Variants in FOLR1 observed in about 807,000 individuals in gnomAD.
FOLR1 encodes KB cells FBP.
In FOLR1, 11 loss-of-function variants were observed where a neutral mutation model predicts 22.8. The ratio of observed to expected loss-of-function variants is 0.48; its 90% CI spans 0.30 to 0.80. The LOEUF (loss-of-function observed/expected upper bound fraction) is 0.80, where lower values mean the gene tolerates loss of function less well. Among genes scored for constraint, FOLR1 ranks in the 30% least tolerant of loss-of-function variants. The pLI, the probability that FOLR1 is intolerant of heterozygous loss-of-function variation, is 0.06. For missense variants in FOLR1, 273 were observed against 320.3 expected, an observed-to-expected ratio of 0.85 and a Z score of 1.13; for synonymous variants, 108 against 116.5, an observed-to-expected ratio of 0.93 and a Z score of 0.47.
Position 72,192,281 on chromosome 11 carries a change from C to G in FOLR1, c.108C>G (p.Val36=). The G allele has an allele frequency of 1.2e-6, 2 of 1,614,128 alleles. No homozygotes were observed. Among genetic ancestry groups the G allele is most frequent in the Non-Finnish European group, 1.7e-6 (2 of 1,180,038 alleles). Residue 36 remains valine (V), a synonymous_variant, in exon 1 of 4, where the codon GTC becomes GTG. Coordinates refer to ENST00000393676, the MANE Select transcript of FOLR1 (RefSeq NM_016729.3). ...IAWARTELLN[V]CMNAKHHKEK... ...GGGCCAGGACTGAGCTTCTCAATGTCTGCATGAACGCCAAGCACCACAAGG... is the reference window on the plus strand; with the variant it reads ...GGGCCAGGACTGAGCTTCTCAATGTGTGCATGAACGCCAAGCACCACAAGG...
upstream of FOLR1, chr11:72,190,238 C>G (rs999943984): frequency 6.6e-6 from 1 of 152,352 alleles, no homozygotes; most frequent in Non-Finnish European, 1.5e-5. Flanking sequence ...CAGCCCCCAT[C>G]CCCAGCACTG....
At position 72,192,286 on chromosome 11, in the gene FOLR1, T is replaced by C. The variant is rs750562595; in HGVS notation, c.113T>C (p.Met38Thr). The change falls in exon 1 of 4, where the codon ATG (methionine) becomes ACG (threonine). Residue 38 changes from methionine to threonine, a missense_variant. Met to Thr is a moderately conservative substitution (Grantham distance 81). Coordinates refer to ENST00000393676, the MANE Select transcript of FOLR1 (RefSeq NM_016729.3). ...AGGACTGAGCTTCTCAATGTCTGCA[T>C]GAACGCCAAGCACCACAAGGAAAAG... ...WARTELLNVC[M>T]NAKHHKEKPG... is the part of the protein sequence containing the mutation. The C allele has an allele frequency of 1.2e-6, 2 of 1,614,118 alleles. No individual in the cohort carries two copies. Among genetic ancestry groups the C allele is most frequent in the Admixed American group, 1.7e-5 (1 of 60,008 alleles).
Position 72,196,165 on chromosome 11 carries a change from G to C in FOLR1, c.762G>C (p.Trp254Cys). 6.2e-7 allele frequency: 1 copy of C among 1,614,146 alleles called. No individual in the cohort carries two copies. Among genetic ancestry groups the C allele is most frequent in the Non-Finnish European group, 8.5e-7 (1 of 1,180,030 alleles). ...TTAGCCTGGCCCTAATGCTGCTGTG[G>C]CTGCTCAGCTGACCTCCTTTTACCT... ...FLLSLALMLL[W>C]LLS The change falls in exon 4 of 4, where the codon TGG (tryptophan) becomes TGC (cysteine). Residue 254 changes from tryptophan (W) to cysteine (C), a missense_variant. Physicochemically the swap from Trp to Cys is radical, Grantham distance 215. Transcript: ENST00000393676.
intron 1 of FOLR1, among the ~76,000 whole-genome samples, chr11:72,194,408 T>C (rs887710156): frequency 6.6e-6 from 1 of 152,068 alleles, no homozygotes; most frequent in African/African-American, 2.4e-5. Context: ...TTTTTGTTTG[T>C]TTATTTTTTG....
chr11:72,192,367 G>T lies in FOLR1; in HGVS notation c.168+26G>T, dbSNP rs1259668683. ...GTGGGCCAGGGGGTGATCTGGGGTG[G>T]TGAGGGACTGGCTCAGGAAGAGGAA... On this transcript the variant is annotated intron_variant, in intron 1 of 3. Coordinates refer to ENST00000393676, the MANE Select transcript of FOLR1 (RefSeq NM_016729.3). 1.9e-6 allele frequency: 3 copies of T among 1,613,088 alleles called. No individual in the cohort carries two copies. In the African/African-American group the frequency reaches 4.0e-5, roughly 22 times the overall value.
chr11:72,191,970 G>A (rs1948161947), upstream of FOLR1: 1 of 591,292 alleles, frequency 1.7e-6, no homozygotes, highest in African/African-American at 1.9e-5. Context: ...ACCTGGAGAA[G>A]GCAATGAGGC....
rs762574089 is a variant in FOLR1, at chr11:72,195,949, C to A, written c.546C>A (p.Phe182Leu). 1 of 1,614,238 alleles carries A rather than the reference C, an allele frequency of 6.2e-7. No homozygotes were observed. The highest frequency in any genetic ancestry group is 8.5e-7 in the Non-Finnish European group (1 of 1,180,046). ...CCTGCCAACCTTTCCATTTCTACTT[C>A]CCCACACCCACTGTTCTGTGCAATG... The part of the protein sequence containing the change: ...GAACQPFHFY[F>L]PTPTVLCNEI... Residue 182 changes from phenylalanine to leucine, a missense_variant, in exon 4 of 4, where the codon TTC (phenylalanine) becomes TTA (leucine). Transcript: ENST00000393676.
Position 72,192,276 on chromosome 11 carries a change from A to G in FOLR1, c.103A>G (p.Asn35Asp), listed in dbSNP as rs149216939. Reference sequence around the variant, plus strand: ...TGCATGGGCCAGGACTGAGCTTCTCAATGTCTGCATGAACGCCAAGCACCA... The same window carrying G: ...TGCATGGGCCAGGACTGAGCTTCTCGATGTCTGCATGAACGCCAAGCACCA... Reference protein sequence around the residue: ...RIAWARTELLNVCMNAKHHKE... With the variant: ...RIAWARTELLDVCMNAKHHKE... Residue 35 changes from asparagine (N) to aspartate (D), a missense_variant, in exon 1 of 4, where the codon AAT becomes GAT. Coordinates refer to ENST00000393676, the MANE Select transcript of FOLR1 (RefSeq NM_016729.3). The G allele has an allele frequency of 5.0e-5, 80 of 1,614,126 alleles. 1 individual carries two copies. In the African/African-American group the frequency reaches 8.8e-4, roughly 18 times the overall value.
At chr11:72,191,228 T>A (rs1384819829), upstream of FOLR1, among the ~76,000 whole-genome samples, 2 of 152,060 alleles carry the variant, frequency 1.3e-5, no homozygotes, top group East Asian at 3.9e-4. Flanking sequence ...CCCACCAAGA[T>A]CCCATGGTTT....
chr11:72,195,177 T>C (rs74702497), intron 1 of FOLR1, 94 bp from the exon 2 acceptor site: 1 of 1,244,264 alleles, frequency 8.0e-7, no homozygotes, highest in African/African-American at 1.5e-5. Context: ...GGCTGGGGAA[T>C]CAAGGACTAA....
upstream of FOLR1, chr11:72,192,102 T>C: frequency 2.5e-6 from 4 of 1,578,694 alleles, no homozygotes; most frequent in Non-Finnish European, 3.5e-6. Context: ...CCTGGAGCCC[T>C]GCACACAACT....
upstream of FOLR1, chr11:72,192,020 T>G: frequency 1.3e-6 from 1 of 784,190 alleles, no homozygotes; most frequent in South Asian, 1.6e-5. Context: ...TACCTTTCAT[T>G]GGATCTGGGA....
Position 72,196,207 on chromosome 11 carries a change from C to T in FOLR1, c.*30C>T. The T allele has an allele frequency of 6.2e-7, 1 of 1,613,498 alleles. No individual in the cohort carries two copies. On this transcript the variant is annotated 3_prime_UTR_variant, in exon 4 of 4. Coordinates refer to ENST00000393676, the MANE Select transcript of FOLR1 (RefSeq NM_016729.3). ...CTTTTACCTTCTGATACCTGGAAAT[C>T]CCTGCCCTGTTCAGCCCCACAGCTC...
chr11:72,192,833 G>A (rs148960673), intron 1 of FOLR1, among the ~76,000 whole-genome samples: 12 of 151,868 alleles, frequency 7.9e-5, no homozygotes, highest in Admixed American at 5.9e-4. Flanking sequence ...CTGGACTCAA[G>A]TGATCCTCCC....
At chr11:72,191,869 A>T (rs1948160733), upstream of FOLR1, among the ~76,000 whole-genome samples, 1 of 152,202 alleles carries the variant, frequency 6.6e-6, no homozygotes, top group South Asian at 2.1e-4. Flanking sequence ...AAACATTTGA[A>T]TAAGGCATTG....
chr11:72,195,931 A>G lies in FOLR1; in HGVS notation c.528A>G (p.Gln176=), dbSNP rs775184668. 1.2e-6 allele frequency: 2 copies of G among 1,613,994 alleles called. No individual in the cohort carries two copies. The highest frequency in any genetic ancestry group is 2.2e-5 in the South Asian group (2 of 91,092). Residue 176 remains glutamine (Q), a synonymous_variant, in exon 4 of 4, where the codon CAA becomes CAG. Transcript: ENST00000393676. ...FNKCAVGAAC[Q]PFHFYFPTPT... is the part of the protein sequence containing the mutation. ...AGTGCGCAGTGGGAGCTGCCTGCCAACCTTTCCATTTCTACTTCCCCACAC... is the reference window on the plus strand; with the variant it reads ...AGTGCGCAGTGGGAGCTGCCTGCCAGCCTTTCCATTTCTACTTCCCCACAC...
chr11:72,191,077 C>T (rs767003056), upstream of FOLR1, among the ~76,000 whole-genome samples: 31 of 152,190 alleles, frequency 2.0e-4, no homozygotes, highest in Non-Finnish European at 4.0e-4. Context: ...TCCCAAAATT[C>T]AGTGTCTGAG....
At chr11:72,192,088 C>T, upstream of FOLR1, 3 of 1,495,744 alleles carry the variant, frequency 2.0e-6, no homozygotes, top group Non-Finnish European at 2.8e-6. Flanking sequence ...CCAGGCCCCA[C>T]CCTCCTGGAG....
chr11:72,195,064 T>C (rs1948208496), intron 1 of FOLR1, among the ~76,000 whole-genome samples: 1 of 152,228 alleles, frequency 6.6e-6, no homozygotes, highest in African/African-American at 2.4e-5. Context: ...TTGTAATGAC[T>C]GCAACTCCAG....
Sources: allele counts gnomAD v4.1 joint callset (sites outside exome capture counted in the v4.1 genomes callset), GRCh38; gene constraint gnomAD v4.1.1; transcripts MANE v1.5; gene names NCBI Gene and HGNC (gene_info 2026-07-23, HGNC 2026-07-21).